The following GIPR variants were observed in gnomAD, a reference collection of about 807,000 sequenced individuals.
The protein encoded by GIPR is gastric inhibitory polypeptide receptor.
Under a neutral mutation model 62.2 loss-of-function variants are expected in GIPR, and 74 were observed. The ratio of observed to expected loss-of-function variants is 1.19; its 90% CI spans 0.99 to 1.44. GIPR has a LOEUF of 1.44. Among genes scored for constraint, GIPR ranks in the 40% most tolerant of loss-of-function variants. The pLI is 0.00. For missense variants in GIPR, 664 were observed against 611.8 expected, an observed-to-expected ratio of 1.09 and a Z score of -0.90; for synonymous variants, 256 against 262.2, an observed-to-expected ratio of 0.98 and a Z score of 0.23.
Position 45,676,922 on chromosome 19 carries a change from C to A in GIPR, c.634-27C>A, listed in dbSNP as rs1195211464. On this transcript the variant is annotated intron_variant, in intron 7 of 13. Coordinates refer to ENST00000590918, the MANE Select transcript of GIPR (RefSeq NM_000164.4). The stretch of plus-strand genomic sequence containing the variant: ...GAGACACCCGGGCAGCGCTGACTAC[C>A]CCTCTACCGGTCTGGCCCCTCCCTA... 6 of 1,610,706 alleles carry A rather than the reference C, an allele frequency of 3.7e-6. No individual in the cohort carries two copies. In the African/African-American group the frequency reaches 8.0e-5, roughly 22 times the overall value.
In GIPR at chr19:45,682,262, G is replaced by A. The variant is rs754295536; in HGVS notation, c.*327G>A. The A allele has an allele frequency of 1.2e-4, 39 of 336,334 alleles. No individual in the cohort carries two copies. The highest frequency in any genetic ancestry group is 2.1e-4 in the Non-Finnish European group (39 of 182,982). 20.8% of individuals were successfully genotyped at this position (336,334 alleles called of 1,614,324 possible). On this transcript the variant is annotated 3_prime_UTR_variant, in exon 14 of 14. Transcript: ENST00000590918. ...GAGCTGGAGAACAGGATTCTAGGCG[G>A]AAGCGATAGCATAGGCAAAGGCCCT...
Position 45,671,299 on chromosome 19 carries a change from G to C in GIPR, c.187G>C (p.Gly63Arg). 1 of 1,611,238 alleles carries C rather than the reference G, an allele frequency of 6.2e-7. No individual in the cohort carries two copies. Among genetic ancestry groups the C allele is most frequent in the Non-Finnish European group, 8.5e-7 (1 of 1,178,676 alleles). ...AEPPSGLACNGSFDMYVCWDY... is the reference protein window; with the variant it reads ...AEPPSGLACNRSFDMYVCWDY... ...CCCACCCCCAGGCCTCGCCTGTAAC[G>C]GGTCCTTCGATATGTACGTCTGCTG... Residue 63 changes from glycine to arginine, a missense_variant, in exon 4 of 14, where the codon GGG (glycine) becomes CGG (arginine). Transcript: ENST00000590918.
chr19:45,673,470 T>C (rs1344991099), intron 5 of GIPR, among the ~76,000 whole-genome samples: 2 of 146,636 alleles, frequency 1.4e-5, no homozygotes, highest in Non-Finnish European at 3.0e-5. Context: ...CCAAGGTCAA[T>C]GGCTCATGCC....
In GIPR at chr19:45,676,995, T is replaced by A; in HGVS notation, c.680T>A (p.Val227Glu). ...RTAQIVTQYC[V>E]GANYTWLLVE... The stretch of plus-strand genomic sequence containing the variant: ...GCCCAGATCGTGACCCAGTACTGCG[T>A]GGGTGCCAACTACACGTGGCTGCTG... Residue 227 changes from valine (V) to glutamate (E), a missense_variant, in exon 8 of 14, where the codon GTG becomes GAG. By Grantham distance (121) the Val-to-Glu change is moderately radical. Transcript: ENST00000590918. 1.2e-6 allele frequency: 2 copies of A among 1,614,032 alleles called. No individual in the cohort carries two copies. Among genetic ancestry groups the A allele is most frequent in the Non-Finnish European group, 1.7e-6 (2 of 1,179,972 alleles).
intron 9 of GIPR, 48 bp downstream of exon 9, chr19:45,677,431 G>T: frequency 7.9e-7 from 1 of 1,264,670 alleles, no homozygotes. Flanking sequence ...GCGGGGCTTT[G>T]AGGGACTGTG....
chr19:45,677,948 T>G lies in GIPR; in HGVS notation c.967T>G (p.Ser323Ala), dbSNP rs756542079. 6.2e-7 allele frequency: 1 copy of G among 1,614,002 alleles called. No individual in the cohort carries two copies. The highest frequency in any genetic ancestry group is 1.1e-5 in the South Asian group (1 of 91,078). ...IFIRILGILL[S>A]KLRTRQMRCR... Reference sequence around the variant, plus strand: ...TATCCGCATTCTTGGCATTCTCCTGTCCAAGCTGAGGACACGGCAAATGCG... The same window carrying G: ...TATCCGCATTCTTGGCATTCTCCTGGCCAAGCTGAGGACACGGCAAATGCG... Residue 323 changes from serine to alanine, a missense_variant, in exon 11 of 14, where the codon TCC becomes GCC. Transcript: ENST00000590918.
In GIPR at chr19:45,678,121, G is replaced by C; in HGVS notation, c.1047G>C (p.Leu349=). The change falls in exon 12 of 14, where the codon CTG becomes CTC. Residue 349 remains leucine, a synonymous_variant. Coordinates refer to ENST00000590918, the MANE Select transcript of GIPR (RefSeq NM_000164.4). The part of the protein sequence containing the change: ...LARSTLTLVP[L]LGVHEVVFAP... ...GCTCCACGCTGACGCTGGTGCCCCT[G>C]CTGGGTGTCCACGAGGTGGTGTTTG... The C allele has an allele frequency of 1.9e-6, 3 of 1,612,604 alleles. No homozygotes were observed. Among genetic ancestry groups the C allele is most frequent in the Non-Finnish European group, 2.5e-6 (3 of 1,179,762 alleles).
At position 45,682,284 on chromosome 19, in the gene GIPR, C is replaced by T; in HGVS notation, c.*349C>T. Reference sequence around the variant, plus strand: ...GCGGAAGCGATAGCATAGGCAAAGGCCCTTGGGCAGGAAGGCGCTCAGCCT... The same window carrying T: ...GCGGAAGCGATAGCATAGGCAAAGGTCCTTGGGCAGGAAGGCGCTCAGCCT... On this transcript the variant is annotated 3_prime_UTR_variant, in exon 14 of 14. Coordinates refer to ENST00000590918, the MANE Select transcript of GIPR (RefSeq NM_000164.4). The T allele has an allele frequency of 3.5e-6, 1 of 283,072 alleles. No individual in the cohort carries two copies. Among genetic ancestry groups the T allele is most frequent in the Non-Finnish European group, 6.7e-6 (1 of 149,900 alleles). The allele number at this position is 283,072 out of a possible 1,614,324, so 17.5% of individuals were successfully genotyped here. A position where few individuals can be genotyped will look rare whatever the true frequency, so the allele number is the denominator to read the frequency against.
intron 2 of GIPR, chr19:45,670,405 AC>A: frequency 2.3e-6 from 1 of 444,246 alleles, no homozygotes; most frequent in East Asian, 3.6e-5. Flanking sequence ...ATTTCCAGCC[AC>A]CCCCTCCCCA....
At chr19:45,669,159 C>T (rs1047493999) in intron 1 of GIPR, among the ~76,000 whole-genome samples, 3 of 152,140 alleles carry the variant, frequency 2.0e-5, no homozygotes, top group African/African-American at 7.2e-5. Flanking sequence ...GACACTTCCG[C>T]CCAGCGTAGC....
intron 7 of GIPR, among the ~76,000 whole-genome samples, chr19:45,676,201 T>TAA (rs34622373): frequency 2.6e-5 from 3 of 114,530 alleles, no homozygotes; most frequent in Admixed American, 1.9e-4. Flanking sequence ...AGGCTCCGTC[T>TAA]AAAAAAAAAA....
In GIPR at chr19:45,669,085, C is replaced by T. The variant is rs1975400963; in HGVS notation, c.-44-392C>T. On this transcript the variant is annotated intron_variant, in intron 1 of 13. Coordinates refer to ENST00000590918, the MANE Select transcript of GIPR (RefSeq NM_000164.4). ...AGGGGTCTAGGCTGACGGTTTCTAC[C>T]CCCTCCTCTCCAAGGCGGTCCCCGG... Among the ~76,000 whole-genome samples the T allele has an allele frequency of 2.6e-5, 4 of 151,048 alleles. No individual in the cohort carries two copies. In the South Asian group the frequency reaches 8.4e-4, roughly 32 times the overall value.
chr19:45,674,372 C>T, intron 6 of GIPR, 195 bp downstream of exon 6: 1 of 669,668 alleles, frequency 1.5e-6, no homozygotes. Flanking sequence ...CTTTGGGATG[C>T]CAAGGCAGGA....
chr19:45,681,590 C>T lies in GIPR; in HGVS notation c.1153-14C>T, dbSNP rs753754974. The T allele has an allele frequency of 3.1e-6, 5 of 1,613,074 alleles. No homozygotes were observed. In the Admixed American group the frequency reaches 6.7e-5, roughly 22 times the overall value. On this transcript the variant is annotated splice_polypyrimidine_tract_variant and intron_variant, in intron 12 of 13. Transcript: ENST00000590918. Reference sequence around the variant, plus strand: ...CCCCACCAGCGATGTAACCTCCGCGCCTCCTCTGGGCAGGGCTTCCTGGTC... The same window carrying T: ...CCCCACCAGCGATGTAACCTCCGCGTCTCCTCTGGGCAGGGCTTCCTGGTC...
chr19:45,675,400 C>A (rs1373626212), intron 7 of GIPR: 2 of 154,176 alleles, frequency 1.3e-5, no homozygotes, highest in Non-Finnish European at 2.9e-5. Flanking sequence ...TATGGTGAAA[C>A]CCTGTCTCTA....
At chr19:45,672,004 A>G (rs1224190298) in intron 4 of GIPR, among the ~76,000 whole-genome samples, 1 of 148,906 alleles carries the variant, frequency 6.7e-6, no homozygotes, top group African/African-American at 2.5e-5. Context: ...GTCGCCTCAG[A>G]CACTTTATTT....
intron 9 of GIPR, 121 bp from the exon 10 acceptor site, chr19:45,677,589 C>A (rs1372413543): frequency 7.7e-6 from 7 of 903,800 alleles, no homozygotes; most frequent in Non-Finnish European, 1.3e-5. Context: ...TCGTAATGGG[C>A]GGGACCTTAG....
At chr19:45,669,202 C>T (rs1975407364) in intron 1 of GIPR, among the ~76,000 whole-genome samples, 1 of 152,160 alleles carries the variant, frequency 6.6e-6, no homozygotes, top group African/African-American at 2.4e-5. Flanking sequence ...CAAACACCCC[C>T]CCCTTCCACC....
In GIPR at chr19:45,669,542, C is replaced by A; in HGVS notation, c.22C>A (p.Gln8Lys). 2.5e-6 allele frequency: 4 copies of A among 1,580,846 alleles called. No individual in the cohort carries two copies. Among genetic ancestry groups the A allele is most frequent in the Non-Finnish European group, 3.4e-6 (4 of 1,166,344 alleles). The change falls in exon 2 of 14, where the codon CAG becomes AAG. Residue 8 changes from glutamine to lysine, a missense_variant. Gln to Lys is a moderately conservative substitution (Grantham distance 53). Transcript: ENST00000590918. ...CACGATGACTACCTCTCCGATCCTG[C>A]AGCTGCTGCTGCGGCTCTCACTGTG... MTTSPIL[Q>K]LLLRLSLCGL...
Sources: allele counts gnomAD v4.1 joint callset (sites outside exome capture counted in the v4.1 genomes callset), GRCh38; gene constraint gnomAD v4.1.1; transcripts MANE v1.5; gene names NCBI Gene and HGNC (gene_info 2026-07-23, HGNC 2026-07-21).